The following ADAMTSL1 variants were observed in gnomAD, a reference collection of about 807,000 sequenced individuals.
ADAMTSL1 encodes the protein ADAMTS-like protein 1.
ADAMTSL1 carries 126 observed loss-of-function variants against 201.8 expected under a neutral mutation model. That is an observed-to-expected ratio of 0.62 (90% confidence interval 0.54 to 0.72). The LOEUF (loss-of-function observed/expected upper bound fraction) is 0.72, where lower values mean the gene tolerates loss of function less well. Among genes scored for constraint, ADAMTSL1 ranks in the 30% least tolerant of loss-of-function variants. The pLI is 0.00. For synonymous variants in ADAMTSL1, 1,121 were observed against 903.4 expected, an observed-to-expected ratio of 1.24 and a Z score of -4.32; for missense variants, 2,679 against 2,277.8, an observed-to-expected ratio of 1.18 and a Z score of -3.59.
intron 1 of ADAMTSL1, among the ~76,000 whole-genome samples, chr9:18,119,398 T>C (rs951312957): frequency 2.0e-5 from 3 of 152,032 alleles, no homozygotes; most frequent in South Asian, 2.1e-4. Flanking sequence ...GTTCAAGTGA[T>C]TCTCCTATTC....
chr9:18,091,349 T>C (rs948900193), intron 1 of ADAMTSL1, among the ~76,000 whole-genome samples: 67 of 152,248 alleles, frequency 4.4e-4, no homozygotes, highest in African/African-American at 1.5e-3. Context: ...CAAATTATCA[T>C]TCATATTTTA....
At chr9:18,585,174 G>A (rs2132438310) in intron 4 of ADAMTSL1, among the ~76,000 whole-genome samples, 1 of 152,186 alleles carries the variant, frequency 6.6e-6, no homozygotes, top group Middle Eastern at 3.4e-3. Flanking sequence ...TTTATTCATG[G>A]AAGGGATTCT....
intron 3 of ADAMTSL1, among the ~76,000 whole-genome samples, chr9:18,570,240 A>G (rs1822210455): frequency 6.6e-6 from 1 of 151,586 alleles, no homozygotes; most frequent in Non-Finnish European, 1.5e-5. Flanking sequence ...AAAAAAAAAG[A>G]CCAAAAAAAC....
intron 15 of ADAMTSL1, among the ~76,000 whole-genome samples, chr9:18,740,101 T>C (rs944953860): frequency 6.6e-6 from 1 of 152,198 alleles, no homozygotes; most frequent in Non-Finnish European, 1.5e-5. Context: ...GGTTTCATGG[T>C]CTGCTTAAGC....
chr9:17,937,278 A>G (rs1439512717), intron 1 of ADAMTSL1, among the ~76,000 whole-genome samples: 1 of 152,120 alleles, frequency 6.6e-6, no homozygotes, highest in Admixed American at 6.6e-5. Context: ...CACAATAGCC[A>G]TTTCAGGGGA....
At chr9:18,409,083 A>C (rs1368596560) in intron 2 of ADAMTSL1, among the ~76,000 whole-genome samples, 1 of 152,068 alleles carries the variant, frequency 6.6e-6, no homozygotes, top group Admixed American at 6.6e-5. Flanking sequence ...TATTTTTCAA[A>C]TCGGAAGACT....
intron 2 of ADAMTSL1, among the ~76,000 whole-genome samples, chr9:18,364,198 T>A (rs1836659131): frequency 6.6e-6 from 1 of 152,008 alleles, no homozygotes; most frequent in Non-Finnish European, 1.5e-5. Flanking sequence ...GAGTGGAGAC[T>A]CCTTCATAAG....
At chr9:17,972,164 T>A (rs1228431741) in intron 1 of ADAMTSL1, among the ~76,000 whole-genome samples, 4 of 151,298 alleles carry the variant, frequency 2.6e-5, no homozygotes, top group Admixed American at 6.6e-5. Context: ...TAAATTTTTT[T>A]ATTTTATTAT....
intron 2 of ADAMTSL1, among the ~76,000 whole-genome samples, chr9:18,433,019 T>C (rs1280951608): frequency 6.6e-6 from 1 of 152,180 alleles, no homozygotes; most frequent in African/African-American, 2.4e-5. Context: ...CATTTTCATC[T>C]TTCTCACTAT....
In ADAMTSL1 at chr9:18,680,483, C is replaced by A. The variant is rs373271396; in HGVS notation, c.1308C>A (p.Asp436Glu). Residue 436 changes from aspartate to glutamate, a missense_variant, in exon 11 of 29, where the codon GAC (aspartate) becomes GAA (glutamate). Coordinates refer to ENST00000380548, the MANE Select transcript of ADAMTSL1 (RefSeq NM_001040272.6). Reference protein sequence around the residue: ...MPIAQPCNIFDCPKWLAQEWS... With the variant: ...MPIAQPCNIFECPKWLAQEWS... Reference sequence around the variant, plus strand: ...TCGCGCAGCCCTGCAACATTTTTGACTGCCCTAAATGGCTGGCACAGGAGT... The same window carrying A: ...TCGCGCAGCCCTGCAACATTTTTGAATGCCCTAAATGGCTGGCACAGGAGT... 6.2e-7 allele frequency: 1 copy of A among 1,614,070 alleles called. No homozygotes were observed. Among genetic ancestry groups the A allele is most frequent in the Non-Finnish European group, 8.5e-7 (1 of 1,180,038 alleles).
chr9:18,679,305 C>A (rs1331685723), intron 10 of ADAMTSL1, among the ~76,000 whole-genome samples: 1 of 152,114 alleles, frequency 6.6e-6, no homozygotes, highest in African/African-American at 2.4e-5. Context: ...TAAGAGAAAT[C>A]TTAAATCTCC....
At chr9:18,413,706 T>C (rs746718540) in intron 2 of ADAMTSL1, among the ~76,000 whole-genome samples, 6 of 152,200 alleles carry the variant, frequency 3.9e-5, no homozygotes, top group Non-Finnish European at 8.8e-5. Context: ...AGAGCCCAAC[T>C]CTTCATTCTC....
At chr9:18,551,614 A>G (rs567332888) in intron 3 of ADAMTSL1, among the ~76,000 whole-genome samples, 2 of 151,476 alleles carry the variant, frequency 1.3e-5, no homozygotes, top group Admixed American at 6.6e-5. Flanking sequence ...TTTGGAGGCA[A>G]ACTGTCTAGA....
intron 1 of ADAMTSL1, among the ~76,000 whole-genome samples, chr9:17,969,401 A>T (rs550566988): frequency 6.6e-6 from 1 of 152,206 alleles, no homozygotes; most frequent in East Asian, 1.9e-4. Flanking sequence ...GAGATACAGG[A>T]GGTAGACTTT....
intron 3 of ADAMTSL1, among the ~76,000 whole-genome samples, chr9:18,571,196 CAT>C (rs879401600): frequency 1.3e-5 from 2 of 152,146 alleles, no homozygotes; most frequent in Non-Finnish European, 2.9e-5. Context: ...AATTTAAAAA[CAT>C]AATTGACACT....
chr9:18,575,674 T>A (rs751667045), intron 4 of ADAMTSL1, among the ~76,000 whole-genome samples: 1 of 152,150 alleles, frequency 6.6e-6, no homozygotes, highest in Non-Finnish European at 1.5e-5. Context: ...TAACTCCCTA[T>A]GTATGTATAC....
intron 2 of ADAMTSL1, among the ~76,000 whole-genome samples, chr9:18,193,743 C>G (rs1470433522): frequency 6.6e-6 from 1 of 152,144 alleles, no homozygotes; most frequent in Non-Finnish European, 1.5e-5. Flanking sequence ...TTCACTGGGT[C>G]CCTGTATGGA....
intron 14 of ADAMTSL1, among the ~76,000 whole-genome samples, chr9:18,713,796 AT>A (rs1587961811): frequency 6.7e-6 from 1 of 148,506 alleles, no homozygotes; most frequent in Admixed American, 6.8e-5. Context: ...CAGAATGTAC[AT>A]TTTTTTCAGC....
At chr9:18,261,937 CT>C (rs1363637778) in intron 2 of ADAMTSL1, among the ~76,000 whole-genome samples, 2 of 152,158 alleles carry the variant, frequency 1.3e-5, no homozygotes, top group African/African-American at 4.8e-5. Context: ...TGATGAGTCT[CT>C]ACCATAAAAC....
Sources: gnomAD v4.1 joint callset for allele counts (sites outside exome capture counted in the v4.1 genomes callset) on GRCh38, gnomAD v4.1.1 for gene constraint, MANE v1.5 for transcripts, NCBI Gene and HGNC (gene_info 2026-07-23, HGNC 2026-07-21) for gene names.